Variants in ASTN1 observed in about 807,000 individuals in gnomAD.
ASTN1 encodes astrotactin-1.
A neutral mutation model predicts 140.7 loss-of-function variants in ASTN1; 41 were observed. That is an observed-to-expected ratio of 0.29 (90% CI 0.23 to 0.38). The LOEUF (loss-of-function observed/expected upper bound fraction) is 0.38. ASTN1 is among the 10% of genes least tolerant of loss of function. The pLI is 1.00. For synonymous variants in ASTN1, 640 were observed against 652.2 expected (o/e 0.98, Z 0.29); for missense variants, 1,479 against 1,678.8 (o/e 0.88, Z 2.08).
intron 16 of ASTN1, among the ~76,000 whole-genome samples, chr1:176,911,522 T>C (rs565536247): frequency 6.6e-6 from 1 of 152,242 alleles, no homozygotes; most frequent in South Asian, 2.1e-4. Flanking sequence ...CTTTTCTCTA[T>C]TTTTTAAATT....
intron 1 of ASTN1, among the ~76,000 whole-genome samples, chr1:177,075,505 C>T (rs1156833436): frequency 6.6e-6 from 1 of 151,556 alleles, no homozygotes; most frequent in Non-Finnish European, 1.5e-5. Context: ...AATGATATCC[C>T]ACTTTGTGTT....
intron 1 of ASTN1, among the ~76,000 whole-genome samples, chr1:177,144,712 A>T (rs538668188): frequency 6.9e-4 from 105 of 151,898 alleles, no homozygotes; most frequent in African/African-American, 2.5e-3. Flanking sequence ...GAATCTACAC[A>T]GTGTTCAATG....
chr1:177,090,041 A>G (rs1558087901), intron 1 of ASTN1, among the ~76,000 whole-genome samples: 1 of 151,904 alleles, frequency 6.6e-6, no homozygotes. Context: ...ACCCCCCTCA[A>G]TCAGTGCCAC....
chr1:177,042,236 A>AT (rs1473475278), intron 2 of ASTN1, among the ~76,000 whole-genome samples: 1 of 152,194 alleles, frequency 6.6e-6, no homozygotes, highest in East Asian at 1.9e-4. Context: ...CTTGTCCCAC[A>AT]TATAGAGGTA....
chr1:176,908,265 G>T (rs1455218919), intron 16 of ASTN1, among the ~76,000 whole-genome samples: 1 of 152,100 alleles, frequency 6.6e-6, no homozygotes, highest in Non-Finnish European at 1.5e-5. Flanking sequence ...TACAGACCTG[G>T]CCCTGCTCAG....
At chr1:176,908,021 T>C (rs963182618) in intron 16 of ASTN1, among the ~76,000 whole-genome samples, 2 of 152,162 alleles carry the variant, frequency 1.3e-5, no homozygotes, top group South Asian at 2.1e-4. Context: ...GTTATGATCA[T>C]AGGAGGGCCC....
rs71129589 is a variant in ASTN1 at position 176,922,556 on chromosome 1, C to CAAAAAAAAAAAAAAA, written c.2671+11581_2671+11595dup. Among the ~76,000 whole-genome samples, 275 of 77,554 alleles carry CAAAAAAAAAAAAAAA rather than the reference C, an allele frequency of 3.5e-3. 9 individuals carry two copies. The highest frequency in any genetic ancestry group is 4.2e-3 in the African/African-American group (84 of 19,814). The allele number at this position is 77,554 out of a possible 152,430, so 50.9% of individuals were successfully genotyped here. On this transcript the variant is annotated intron_variant, in intron 16 of 22. Transcript: ENST00000361833. ...ACAGTGTCCACTCCAGCCCCCACTGCAAAAAAAAAAAAAAAAAAAAAAAAA... is the reference window on the plus strand; with the variant it reads ...ACAGTGTCCACTCCAGCCCCCACTGCAAAAAAAAAAAAAAAAAAAAAAAAAAAAAAAAAAAAAAAA...
At chr1:176,877,717 T>G (rs1300177820) in intron 20 of ASTN1, among the ~76,000 whole-genome samples, 1 of 152,162 alleles carries the variant, frequency 6.6e-6, no homozygotes, top group Admixed American at 6.5e-5. Context: ...AGAAAATCAT[T>G]AATGTCGCCT....
chr1:177,056,142 G>A (rs1449721563), intron 2 of ASTN1, among the ~76,000 whole-genome samples: 1 of 152,158 alleles, frequency 6.6e-6, no homozygotes, highest in Non-Finnish European at 1.5e-5. Flanking sequence ...ATGCAGCACT[G>A]GAAACATGAT....
chr1:176,953,982 A>G (rs1327405076), intron 11 of ASTN1, among the ~76,000 whole-genome samples: 1 of 152,180 alleles, frequency 6.6e-6, no homozygotes, highest in Non-Finnish European at 1.5e-5. Context: ...CAAAGATTCA[A>G]ACAAAATTTT....
Position 176,943,974 on chromosome 1 carries a change from C to A in ASTN1, c.2294G>T (p.Gly765Val). 6.2e-7 allele frequency: 1 copy of A among 1,614,090 alleles called. No individual in the cohort carries two copies. Among genetic ancestry groups the A allele is most frequent in the Non-Finnish European group, 8.5e-7 (1 of 1,179,992 alleles). The change falls in exon 14 of 23, where the codon GGT (glycine) becomes GTT (valine). Residue 765 changes from glycine to valine, a missense_variant. Physicochemically the swap from Gly to Val is moderately radical, Grantham distance 109. Coordinates refer to ENST00000361833, the MANE Select transcript of ASTN1 (RefSeq NM_004319.3). ...CAGGGGCACAGTGGCCACCACAAGACCATCTGGCAGTTGCTGGTCTAAACC... is the reference window on the plus strand; with the variant it reads ...CAGGGGCACAGTGGCCACCACAAGAACATCTGGCAGTTGCTGGTCTAAACC... Reference protein sequence around the residue: ...ARGLDQQLPDGLVVATVPLEN... With the variant: ...ARGLDQQLPDVLVVATVPLEN...
intron 20 of ASTN1, 140 bp from the exon 21 acceptor site, chr1:176,876,777 C>G: frequency 1.3e-6 from 1 of 749,636 alleles, no homozygotes; most frequent in East Asian, 2.7e-5. Context: ...GTCACGTTTA[C>G]TGCCACCATC....
Position 176,985,869 on chromosome 1 carries a change from C to CT in ASTN1, c.1524-20633_1524-20632insA, listed in dbSNP as rs1558010956. On this transcript the variant is annotated intron_variant, in intron 8 of 22. Coordinates refer to ENST00000361833, the MANE Select transcript of ASTN1 (RefSeq NM_004319.3). ...CTACACACACACACACACACACACA[C>CT]ACACACACACACACACACACACACA... Among the ~76,000 whole-genome samples the CT allele has an allele frequency of 3.3e-5, 5 of 150,234 alleles. No individual in the cohort carries two copies. In the East Asian group the frequency reaches 9.9e-4, roughly 30 times the overall value.
chr1:176,990,497 A>C (rs1274453490), intron 8 of ASTN1, among the ~76,000 whole-genome samples: 2 of 151,962 alleles, frequency 1.3e-5, no homozygotes, highest in Non-Finnish European at 1.5e-5. Flanking sequence ...GAAAAAAAGA[A>C]ATCAAGAACG....
chr1:177,139,069 T>C (rs575667641), intron 1 of ASTN1, among the ~76,000 whole-genome samples: 1 of 152,308 alleles, frequency 6.6e-6, no homozygotes, highest in East Asian at 1.9e-4. Context: ...GCTCAGGATT[T>C]AGTGAATCTC....
rs543399595 is a variant in ASTN1, at chr1:177,112,024, C to T, written c.284-50759G>A. Among the ~76,000 whole-genome samples the T allele has an allele frequency of 5.8e-4, 89 of 152,276 alleles. No individual in the cohort carries two copies. The South Asian group carries it at 0.018, about 31-fold the overall frequency. On this transcript the variant is annotated intron_variant, in intron 1 of 22. Transcript: ENST00000361833. ...CTTTCCATTTCACACTCCTTTTCCC[C>T]CAGCTCCCTCTCAAGTTCCAAGGAA...
At chr1:176,999,135 A>G (rs1054867423) in intron 8 of ASTN1, among the ~76,000 whole-genome samples, 1 of 152,236 alleles carries the variant, frequency 6.6e-6, no homozygotes, top group Admixed American at 6.5e-5. Flanking sequence ...TCTAAATGAC[A>G]TAAAACTACA....
At chr1:176,903,448 C>A (rs1669853407) in intron 16 of ASTN1, among the ~76,000 whole-genome samples, 1 of 152,206 alleles carries the variant, frequency 6.6e-6, no homozygotes, top group Non-Finnish European at 1.5e-5. Context: ...CACTCACTCC[C>A]AGGGCGAAGT....
At chr1:177,023,899 C>A (rs944788598) in intron 6 of ASTN1, among the ~76,000 whole-genome samples, 4 of 152,200 alleles carry the variant, frequency 2.6e-5, no homozygotes, top group African/African-American at 9.6e-5. Context: ...TCAGACCCAG[C>A]CACAGGCACT....
Sources: gnomAD v4.1 joint callset for allele counts (sites outside exome capture counted in the v4.1 genomes callset) on GRCh38, gnomAD v4.1.1 for gene constraint, MANE v1.5 for transcripts, NCBI Gene and HGNC (gene_info 2026-07-23, HGNC 2026-07-21) for gene names.